GAN: variants seen among roughly 807,000 people sequenced by gnomAD.
The protein encoded by GAN is gigaxonin.
GAN carries 48 observed loss-of-function variants against 71.3 expected under a neutral mutation model. The ratio of observed to expected loss-of-function variants is 0.67; its 90% CI spans 0.53 to 0.86. The LOEUF is 0.86. Among genes scored for constraint, GAN ranks in the 40% least tolerant of loss-of-function variants. The probability of loss-of-function intolerance (pLI) is 0.00; values close to 1 mark genes in which losing one functional copy is unlikely to be tolerated. For synonymous variants in GAN, 386 were observed against 276.8 expected (o/e 1.39, Z -3.92); for missense variants, 928 against 770.1 (o/e 1.21, Z -2.43).
Position 81,382,227 on chromosome 16 carries a change from G to T in GAN, c.*4631G>T, listed in dbSNP as rs547757599. On this transcript the variant is annotated 3_prime_UTR_variant, in exon 11 of 11. Coordinates refer to ENST00000648994, the MANE Select transcript of GAN (RefSeq NM_022041.4). ...GAGCAAGAACCAAAAGCAGAAGCCA[G>T]GTCTTTGGATTATCAGCTCACCAGT... 1.3e-5 allele frequency: 2 copies of T among 152,148 alleles called. No individual in the cohort carries two copies. The highest frequency in any genetic ancestry group is 2.9e-5 in the Non-Finnish European group (2 of 68,032). 9.4% of individuals were successfully genotyped at this position (152,148 alleles called of 1,614,324 possible).
intron 1 of GAN, among the ~76,000 whole-genome samples, chr16:81,325,048 G>C (rs62047163): frequency 6.4e-4 from 88 of 137,924 alleles, no homozygotes; most frequent in African/African-American, 1.9e-3. Flanking sequence ...CTCCCAGGCA[G>C]GGATGGCTCC....
At chr16:81,351,119 A>G (rs12102529) in intron 1 of GAN, among the ~76,000 whole-genome samples, 47 of 152,382 alleles carry the variant, frequency 3.1e-4, no homozygotes, top group African/African-American at 1.1e-3. Context: ...ATTTGGGATA[A>G]TGGTTACTTC....
chr16:81,359,405 GTT>G (rs71146005), intron 5 of GAN, among the ~76,000 whole-genome samples: 11 of 125,078 alleles, frequency 8.8e-5, no homozygotes, highest in East Asian at 2.1e-4. Context: ...AGGCTGCATT[GTT>G]TTTTTTTTTT....
At chr16:81,341,099 G>C (rs182963189) in intron 1 of GAN, among the ~76,000 whole-genome samples, 1 of 150,300 alleles carries the variant, frequency 6.7e-6, no homozygotes, top group African/African-American at 2.5e-5. Flanking sequence ...GAGAAAAAAG[G>C]AGTGAAAAGA....
In GAN at chr16:81,315,225, G is replaced by C. The variant is rs1252273429; in HGVS notation, c.112G>C (p.Gly38Arg). The stretch of plus-strand genomic sequence containing the variant: ...CTGCGACGCGCACCTGGTCCTCGAC[G>C]GGGAGGAGATCCCGGTGCAGAAGAA... ...RFCDAHLVLD[G>R]EEIPVQKNIL... The change falls in exon 1 of 11, where the codon GGG (glycine) becomes CGG (arginine). Residue 38 changes from glycine (G) to arginine (R), a missense_variant. Coordinates refer to ENST00000648994, the MANE Select transcript of GAN (RefSeq NM_022041.4). The C allele has an allele frequency of 1.3e-6, 2 of 1,583,226 alleles. No homozygotes were observed. The highest frequency in any genetic ancestry group is 1.7e-6 in the Non-Finnish European group (2 of 1,166,868).
intron 2 of GAN, among the ~76,000 whole-genome samples, chr16:81,353,731 A>C (rs922182106): frequency 1.3e-5 from 2 of 152,134 alleles, no homozygotes; most frequent in Non-Finnish European, 2.9e-5. Flanking sequence ...AAGTCAGTGG[A>C]GGAAGAAGCA....
At chr16:81,349,393 A>G (rs1910225440) in intron 1 of GAN, among the ~76,000 whole-genome samples, 1 of 152,168 alleles carries the variant, frequency 6.6e-6, no homozygotes, top group Non-Finnish European at 1.5e-5. Context: ...TCATGCCTAT[A>G]ATCGCAGCAC....
Position 81,383,679 on chromosome 16 carries a change from C to T in GAN, c.*6083C>T, listed in dbSNP as rs1178177830. ...CTCAACAAAGTTGTTGAGCTTCCTT[C>T]TGTGCACACATTGAAAGAAAACCAG... On this transcript the variant is annotated 3_prime_UTR_variant, in exon 11 of 11. Transcript: ENST00000648994. The T allele has an allele frequency of 6.6e-6, 1 of 151,810 alleles. No homozygotes were observed. Among genetic ancestry groups the T allele is most frequent in the Non-Finnish European group, 1.5e-5 (1 of 68,000 alleles). 9.4% of individuals were successfully genotyped at this position (151,810 alleles called of 1,614,324 possible). A position where few individuals can be genotyped will look rare whatever the true frequency, so the allele number is the denominator to read the frequency against.
intron 1 of GAN, among the ~76,000 whole-genome samples, chr16:81,336,571 C>A (rs374295644): frequency 1.3e-5 from 2 of 152,056 alleles, no homozygotes; most frequent in African/African-American, 4.8e-5. Flanking sequence ...TCAAGCGATC[C>A]TCCCACCTCA....
chr16:81,376,514 T>C (rs1450649908), intron 9 of GAN, among the ~76,000 whole-genome samples: 2 of 145,582 alleles, frequency 1.4e-5, no homozygotes, highest in Non-Finnish European at 3.0e-5. Flanking sequence ...TGTGTGTATG[T>C]GTGTGTGTAT....
At position 81,377,789 on chromosome 16, in the gene GAN, A is replaced by T. The variant is rs1904287113; in HGVS notation, c.*193A>T. Reference sequence around the variant, plus strand: ...GAGAACACGTAACTGTTGAAAAACTACCTGGGAGGAGTGAGTTCCTCCAGT... The same window carrying T: ...GAGAACACGTAACTGTTGAAAAACTTCCTGGGAGGAGTGAGTTCCTCCAGT... On this transcript the variant is annotated 3_prime_UTR_variant, in exon 11 of 11. Coordinates refer to ENST00000648994, the MANE Select transcript of GAN (RefSeq NM_022041.4). 1 of 616,354 alleles carries T rather than the reference A, an allele frequency of 1.6e-6. No individual in the cohort carries two copies. Among genetic ancestry groups the T allele is most frequent in the Non-Finnish European group, 2.9e-6 (1 of 345,406 alleles). 38.2% of individuals were successfully genotyped at this position (616,354 alleles called of 1,614,324 possible). A position where few individuals can be genotyped will look rare whatever the true frequency, so the allele number is the denominator to read the frequency against.
intron 9 of GAN, among the ~76,000 whole-genome samples, chr16:81,370,018 C>T (rs1449611989): frequency 1.3e-5 from 2 of 152,182 alleles, no homozygotes; most frequent in East Asian, 1.9e-4. Flanking sequence ...GTATGGCAGC[C>T]GTTGACATAG....
intron 4 of GAN, 86 bp downstream of exon 4, chr16:81,357,088 A>G: frequency 1.1e-6 from 1 of 881,136 alleles, no homozygotes; most frequent in Admixed American, 1.7e-5. Flanking sequence ...GCTTTTCAGT[A>G]TCTAAAACAT....
intron 1 of GAN, among the ~76,000 whole-genome samples, chr16:81,317,016 G>A (rs1308392203): frequency 6.6e-6 from 1 of 152,114 alleles, no homozygotes; most frequent in Non-Finnish European, 1.5e-5. Flanking sequence ...CCGCCACCAC[G>A]CCCGGATAAT....
At chr16:81,374,066 C>G (rs1904275005) in intron 9 of GAN, among the ~76,000 whole-genome samples, 1 of 152,196 alleles carries the variant, frequency 6.6e-6, no homozygotes, top group Admixed American at 6.5e-5. Flanking sequence ...CCTTGACTCT[C>G]ATGACCTTCA....
intron 1 of GAN, among the ~76,000 whole-genome samples, chr16:81,350,231 G>A (rs1910254238): frequency 6.6e-6 from 1 of 152,150 alleles, no homozygotes; most frequent in Non-Finnish European, 1.5e-5. Context: ...TTGCAAAAGG[G>A]GAAACGTGGC....
At chr16:81,363,155 C>G (rs1053350885) in intron 6 of GAN, among the ~76,000 whole-genome samples, 9 of 152,260 alleles carry the variant, frequency 5.9e-5, no homozygotes, top group African/African-American at 2.2e-4. Context: ...TGGCCTGACC[C>G]TGTCCTCCAC....
At chr16:81,322,510 CA>C (rs1194240086) in intron 1 of GAN, among the ~76,000 whole-genome samples, 3 of 152,232 alleles carry the variant, frequency 2.0e-5, no homozygotes, top group African/African-American at 7.2e-5. Flanking sequence ...TAATGAAATA[CA>C]GACCAATTAA....
Position 81,382,811 on chromosome 16 carries a change from T to C in GAN, c.*5215T>C, listed in dbSNP as rs1488684421. The stretch of plus-strand genomic sequence containing the variant: ...GCTGGTAAAACTTGGTAAAGTTTTG[T>C]GTTTTTCAGAAGGAACCCTATTATT... On this transcript the variant is annotated 3_prime_UTR_variant, in exon 11 of 11. Coordinates refer to ENST00000648994, the MANE Select transcript of GAN (RefSeq NM_022041.4). 6.6e-6 allele frequency: 1 copy of C among 152,238 alleles called. No homozygotes were observed. The highest frequency in any genetic ancestry group is 2.4e-5 in the African/African-American group (1 of 41,468). 9.4% of individuals were successfully genotyped at this position (152,238 alleles called of 1,614,324 possible).
Sources: allele counts gnomAD v4.1 joint callset (sites outside exome capture counted in the v4.1 genomes callset), GRCh38; gene constraint gnomAD v4.1.1; transcripts MANE v1.5; gene names NCBI Gene and HGNC (gene_info 2026-07-23, HGNC 2026-07-21).